The following CPEB3 variants were observed in gnomAD, a reference collection of about 807,000 sequenced individuals.
CPEB3 encodes cytoplasmic polyadenylation element-binding protein 3.
Under a neutral mutation model 67.2 loss-of-function variants are expected in CPEB3, and 20 were observed. The ratio of observed to expected loss-of-function variants is 0.30; its 90% confidence interval spans 0.21 to 0.43. CPEB3 has a LOEUF of 0.43. Among genes scored for constraint, CPEB3 ranks in the 20% least tolerant of loss-of-function variants. The pLI is 1.00. For synonymous variants in CPEB3, 376 were observed against 393.1 expected, an observed-to-expected ratio of 0.96 and a Z score of 0.51; for missense variants, 746 against 968.6, an observed-to-expected ratio of 0.77 and a Z score of 3.05.
At chr10:92,244,196 A>G (rs1417039606) in intron 1 of CPEB3, among the ~76,000 whole-genome samples, 1 of 151,788 alleles carries the variant, frequency 6.6e-6, no homozygotes, top group Non-Finnish European at 1.5e-5. Flanking sequence ...AAAATACAAA[A>G]ATTAGCTGAG....
intron 4 of CPEB3, among the ~76,000 whole-genome samples, chr10:92,160,738 G>A (rs1265106312): frequency 6.6e-6 from 1 of 152,092 alleles, no homozygotes; most frequent in Non-Finnish European, 1.5e-5. Flanking sequence ...CACCCATAAA[G>A]GATAAAGGAG....
intron 2 of CPEB3, among the ~76,000 whole-genome samples, chr10:92,206,519 G>A (rs182361787): frequency 5.1e-4 from 77 of 152,136 alleles, no homozygotes; most frequent in Admixed American, 2.5e-3. Context: ...GGGTTCAAGC[G>A]ATCCTCCTAC....
intron 3 of CPEB3, among the ~76,000 whole-genome samples, chr10:92,186,826 T>G (rs1377097637): frequency 6.6e-6 from 1 of 152,188 alleles, no homozygotes; most frequent in Non-Finnish European, 1.5e-5. Context: ...AGTTTCTACT[T>G]ACTGTCTCTG....
intron 1 of CPEB3, among the ~76,000 whole-genome samples, chr10:92,278,184 CAAA>C (rs34532720): frequency 8.4e-6 from 1 of 119,570 alleles, no homozygotes; most frequent in Non-Finnish European, 1.8e-5. Context: ...GGCTCCATCT[CAAA>C]AAAAAAAAAA....
At chr10:92,118,556 G>T (rs1845156063) in intron 6 of CPEB3, 1 of 257,246 alleles carries the variant, frequency 3.9e-6, no homozygotes, top group Non-Finnish European at 7.5e-6. Flanking sequence ...TAAAACAATG[G>T]GCATGAACTC....
chr10:92,234,281 T>C (rs1313669232), intron 2 of CPEB3, among the ~76,000 whole-genome samples: 1 of 152,140 alleles, frequency 6.6e-6, no homozygotes, highest in East Asian at 1.9e-4. Flanking sequence ...TTTTGGGACT[T>C]TGATTTCATA....
intron 2 of CPEB3, among the ~76,000 whole-genome samples, chr10:92,218,756 G>A (rs997919303): frequency 6.6e-6 from 1 of 151,946 alleles, no homozygotes; most frequent in Admixed American, 6.6e-5. Flanking sequence ...AGCATGAAGA[G>A]ATGCTCTCAT....
chr10:92,289,732 A>AAAAAAAAAAAAAAT lies in CPEB3; in HGVS notation c.-12+1193_-12+1194insATTTTTTTTTTTTT. ...CGCGTCTCTACCAAAAAAAAAAAAA[A>AAAAAAAAAAAAAAT]ATATATATATATATATATATATATA... On this transcript the variant is annotated intron_variant, in intron 1 of 9. Transcript: ENST00000265997. 9.9e-4 allele frequency among the ~76,000 whole-genome samples: 75 copies of AAAAAAAAAAAAAAT among 75,760 alleles called. 6 individuals are homozygous for AAAAAAAAAAAAAAT. Among genetic ancestry groups the AAAAAAAAAAAAAAT allele is most frequent in the Middle Eastern group, 9.8e-3 (1 of 102 alleles). 49.7% of individuals were successfully genotyped at this position (75,760 alleles called of 152,430 possible). A position where few individuals can be genotyped will look rare whatever the true frequency, so the allele number is the denominator to read the frequency against.
intron 7 of CPEB3, among the ~76,000 whole-genome samples, chr10:92,108,947 G>C (rs960315986): frequency 1.3e-5 from 2 of 152,122 alleles, no homozygotes; most frequent in Non-Finnish European, 1.5e-5. Flanking sequence ...TCCAGCTGAA[G>C]GCTTGTCCCA....
intron 6 of CPEB3, among the ~76,000 whole-genome samples, chr10:92,132,410 T>C (rs1027533384): frequency 6.6e-6 from 1 of 152,084 alleles, no homozygotes; most frequent in Non-Finnish European, 1.5e-5. Context: ...AGTAAAGTAA[T>C]ACAAGCAACA....
intron 6 of CPEB3, among the ~76,000 whole-genome samples, chr10:92,130,958 G>A (rs1845819965): frequency 6.6e-6 from 1 of 152,138 alleles, no homozygotes; most frequent in Admixed American, 6.6e-5. Context: ...GCAAGAGGGG[G>A]TATTATTAAG....
intron 3 of CPEB3, among the ~76,000 whole-genome samples, chr10:92,188,662 A>G (rs1590339977): frequency 6.6e-6 from 1 of 151,800 alleles, no homozygotes; most frequent in Admixed American, 6.6e-5. Flanking sequence ...GGAGGTTGCA[A>G]TGAGCTGAGA....
intron 2 of CPEB3, among the ~76,000 whole-genome samples, chr10:92,226,800 G>A (rs1850997200): frequency 6.6e-6 from 1 of 151,776 alleles, no homozygotes; most frequent in Non-Finnish European, 1.5e-5. Context: ...TGGGGGCTCA[G>A]GGAGGAGACC....
chr10:92,171,245 A>C (rs186545799), intron 4 of CPEB3, among the ~76,000 whole-genome samples: 5 of 152,290 alleles, frequency 3.3e-5, no homozygotes, highest in Admixed American at 3.3e-4. Context: ...ATCCTTCAAA[A>C]ACACCTTCCT....
upstream of CPEB3, chr10:92,291,222 C>T: frequency 1.9e-6 from 1 of 533,846 alleles, no homozygotes; most frequent in Non-Finnish European, 3.3e-6. Flanking sequence ...GGTCCATGGA[C>T]CGGAACCTCG....
chr10:92,235,845 G>A (rs1851504669), intron 2 of CPEB3, among the ~76,000 whole-genome samples: 1 of 152,156 alleles, frequency 6.6e-6, no homozygotes, highest in South Asian at 2.1e-4. Flanking sequence ...GTCTAGAATA[G>A]GTGCTCTCAA....
intron 2 of CPEB3, among the ~76,000 whole-genome samples, chr10:92,193,553 G>C (rs894941656): frequency 3.3e-5 from 5 of 151,732 alleles, no homozygotes; most frequent in African/African-American, 1.2e-4. Context: ...GACCTCCTGA[G>C]CTCAAGCAAT....
intron 9 of CPEB3, among the ~76,000 whole-genome samples, chr10:92,071,054 C>CAA (rs1264285716): frequency 7.1e-6 from 1 of 141,576 alleles, no homozygotes; most frequent in Admixed American, 7.4e-5. Context: ...TTACAGTTTT[C>CAA]AAAAACACTT....
intron 2 of CPEB3, among the ~76,000 whole-genome samples, chr10:92,196,248 G>A (rs1273157797): frequency 6.6e-6 from 1 of 152,204 alleles, no homozygotes; most frequent in African/African-American, 2.4e-5. Flanking sequence ...ACAGTAAAGT[G>A]AGGGCAGGGA....
Sources: allele counts gnomAD v4.1 joint callset (sites outside exome capture counted in the v4.1 genomes callset), GRCh38; gene constraint gnomAD v4.1.1; transcripts MANE v1.5; gene names NCBI Gene and HGNC (gene_info 2026-07-23, HGNC 2026-07-21).